Variants in PLXDC1 observed in about 807,000 individuals in gnomAD.
PLXDC1 encodes the protein plexin domain containing 1.
Under a neutral mutation model 61.3 loss-of-function variants are expected in PLXDC1, and 39 were observed. The ratio of observed to expected loss-of-function variants is 0.64; its 90% confidence interval spans 0.49 to 0.83. The LOEUF is 0.83. Ranked by LOEUF, PLXDC1 falls within the 40% of genes least tolerant of loss-of-function variation. The probability of loss-of-function intolerance (pLI) is 0.00; values close to 1 mark genes in which losing one functional copy is unlikely to be tolerated. For synonymous variants in PLXDC1, 212 were observed against 254.5 expected (o/e 0.83, Z 1.59); for missense variants, 596 against 666.5 (o/e 0.89, Z 1.17).
chr17:39,105,991 C>T (rs761553744), intron 6 of PLXDC1, 38 bp from the exon 7 acceptor site: 149 of 1,427,640 alleles, frequency 1.0e-4, no homozygotes, highest in Non-Finnish European at 1.3e-4. Flanking sequence ...ACCTCCCAAA[C>T]GCTCTGGGGC....
intron 2 of PLXDC1, among the ~76,000 whole-genome samples, chr17:39,136,941 A>G (rs1911772891): frequency 6.6e-6 from 1 of 152,230 alleles, no homozygotes; most frequent in South Asian, 2.1e-4. Context: ...CACTTCCAGA[A>G]ATGGACATCT....
At chr17:39,073,402 C>T (rs1909202052) in intron 11 of PLXDC1, 1 of 152,236 alleles carries the variant, frequency 6.6e-6, no homozygotes, top group Non-Finnish European at 1.5e-5. Flanking sequence ...TTCATCAAAA[C>T]TAAGCAAAGG....
intron 2 of PLXDC1, among the ~76,000 whole-genome samples, chr17:39,124,027 G>T (rs2143804608): frequency 6.6e-6 from 1 of 152,168 alleles, no homozygotes; most frequent in South Asian, 2.1e-4. Flanking sequence ...CGATCGCAGG[G>T]CACATATACC....
At position 39,064,711 on chromosome 17, in the gene PLXDC1, G is replaced by A. The variant is rs192169622; in HGVS notation, c.*3129C>T. The A allele has an allele frequency of 6.6e-6, 1 of 152,302 alleles. No homozygotes were observed. The highest frequency in any genetic ancestry group is 1.9e-4 in the East Asian group (1 of 5,186). The allele number at this position is 152,302 out of a possible 1,614,324, so 9.4% of individuals were successfully genotyped here. A position where few individuals can be genotyped will look rare whatever the true frequency, so the allele number is the denominator to read the frequency against. On this transcript the variant is annotated 3_prime_UTR_variant, in exon 14 of 14. Transcript: ENST00000315392. ...GCAAGTGACAATCAGAGTTGGAAACGTGGGGCCTCAGCTCTGCTTGATAAA... is the reference window on the plus strand; with the variant it reads ...GCAAGTGACAATCAGAGTTGGAAACATGGGGCCTCAGCTCTGCTTGATAAA...
intron 7 of PLXDC1, chr17:39,096,827 G>A (rs535292443): frequency 4.5e-6 from 2 of 447,412 alleles, no homozygotes; most frequent in South Asian, 3.2e-5. Context: ...AATGAACAGA[G>A]GAAATAATAT....
rs1922176 is a variant in PLXDC1 at position 39,079,328 on chromosome 17, G to C, written c.990-164C>G. The stretch of plus-strand genomic sequence containing the variant: ...TCCCTCTACTTCCCCGGAAGATGAA[G>C]GTATTTGTGGCATCCCTGCCTTCCT... On this transcript the variant is annotated intron_variant, in intron 9 of 13. Coordinates refer to ENST00000315392, the MANE Select transcript of PLXDC1 (RefSeq NM_020405.5). 7 of 652,198 alleles carry C rather than the reference G, an allele frequency of 1.1e-5. No homozygotes were observed. In the Admixed American group the frequency reaches 1.2e-4, roughly 12 times the overall value. 40.4% of individuals were successfully genotyped at this position (652,198 alleles called of 1,614,324 possible). A position where few individuals can be genotyped will look rare whatever the true frequency, so the allele number is the denominator to read the frequency against.
At chr17:39,146,928 A>G (rs2045345841) in intron 1 of PLXDC1, among the ~76,000 whole-genome samples, 1 of 149,670 alleles carries the variant, frequency 6.7e-6, no homozygotes. Context: ...GCCAATTCGA[A>G]GACCCTCAGA....
chr17:39,074,173 T>A (rs933530600), intron 11 of PLXDC1, among the ~76,000 whole-genome samples: 2 of 152,156 alleles, frequency 1.3e-5, no homozygotes, highest in African/African-American at 4.8e-5. Context: ...CCTGCCAAGA[T>A]GCCTTGCAAG....
At chr17:39,117,909 G>T (rs1911030135) in intron 2 of PLXDC1, among the ~76,000 whole-genome samples, 1 of 152,142 alleles carries the variant, frequency 6.6e-6, no homozygotes, top group Admixed American at 6.6e-5. Context: ...CTGGGGCAGG[G>T]CTGCTCCATT....
At chr17:39,076,887 G>A (rs4795345) in intron 11 of PLXDC1, among the ~76,000 whole-genome samples, 10 of 151,974 alleles carry the variant, frequency 6.6e-5, no homozygotes, top group Non-Finnish European at 1.5e-4. Context: ...AGGCGCCCAC[G>A]ACCATGCCCA....
rs985325421 is a variant in PLXDC1 at position 39,108,740 on chromosome 17, G to C, written c.469+164C>G. ...TCAGCTAATGCAAGGGAGATGCTCT[G>C]ACGTCCACTGACCCCCCTCCTGAGA... is the stretch of plus-strand genomic sequence containing the variant. On this transcript the variant is annotated intron_variant, in intron 4 of 13. Transcript: ENST00000315392. 1.1e-4 allele frequency: 68 copies of C among 628,482 alleles called. No homozygotes were observed. In the African/African-American group the frequency reaches 1.1e-3, roughly 11 times the overall value. 38.9% of individuals were successfully genotyped at this position (628,482 alleles called of 1,614,324 possible). A position where few individuals can be genotyped will look rare whatever the true frequency, so the allele number is the denominator to read the frequency against.
chr17:39,083,332 A>T, intron 9 of PLXDC1, 127 bp downstream of exon 9: 1 of 734,766 alleles, frequency 1.4e-6, no homozygotes, highest in Non-Finnish European at 2.5e-6. Context: ...CAAGAGTCAG[A>T]GTGGTACTGG....
intron 2 of PLXDC1, among the ~76,000 whole-genome samples, chr17:39,136,896 C>T (rs767669298): frequency 6.6e-5 from 10 of 152,020 alleles, no homozygotes; most frequent in East Asian, 3.8e-4. Flanking sequence ...GCAAAAGAGA[C>T]GCACAGCAGA....
chr17:39,133,299 G>T (rs1226577376), intron 2 of PLXDC1, among the ~76,000 whole-genome samples: 1 of 152,156 alleles, frequency 6.6e-6, no homozygotes, highest in Non-Finnish European at 1.5e-5. Flanking sequence ...GGTAGAGTTT[G>T]GGTATGGAGC....
chr17:39,152,324 C>G (rs1373980541), upstream of PLXDC1: 1 of 390,976 alleles, frequency 2.6e-6, no homozygotes, highest in Admixed American at 4.6e-5. Flanking sequence ...TCTGGGGCCT[C>G]CAGGCCTACT....
chr17:39,128,127 G>GTA (rs1567769612), intron 2 of PLXDC1, among the ~76,000 whole-genome samples: 11 of 56,208 alleles, frequency 2.0e-4, no homozygotes, highest in Non-Finnish European at 3.6e-4. Context: ...ATATATATAT[G>GTA]TGTATATATA....
At chr17:39,079,659 G>A (rs1340321621) in intron 9 of PLXDC1, 1 of 426,138 alleles carries the variant, frequency 2.3e-6, no homozygotes, top group African/African-American at 2.0e-5. Context: ...GCTGACAAGG[G>A]TCTCCGGAGA....
intron 2 of PLXDC1, among the ~76,000 whole-genome samples, chr17:39,129,317 C>CAA (rs35923960): frequency 1.8e-5 from 2 of 109,104 alleles, no homozygotes; most frequent in Non-Finnish European, 1.9e-5. Flanking sequence ...GACTCTGTCT[C>CAA]AAAAAAAAAA....
chr17:39,130,231 T>A (rs1237776881), intron 2 of PLXDC1, among the ~76,000 whole-genome samples: 1 of 152,146 alleles, frequency 6.6e-6, no homozygotes, highest in Non-Finnish European at 1.5e-5. Flanking sequence ...GGCAGGAGGA[T>A]CACTTGCGTC....
Sources: allele counts gnomAD v4.1 joint callset (sites outside exome capture counted in the v4.1 genomes callset), GRCh38; gene constraint gnomAD v4.1.1; transcripts MANE v1.5; gene names NCBI Gene and HGNC (gene_info 2026-07-23, HGNC 2026-07-21).